The following LMO7 variants were observed in gnomAD, a reference collection of about 807,000 sequenced individuals.
LMO7 encodes the protein LIM domain 7, also known as LIM domain only protein 7.
A neutral mutation model predicts 206.5 loss-of-function variants in LMO7; 120 were observed. The ratio of observed to expected loss-of-function variants is 0.58; its 90% CI spans 0.50 to 0.68. The LOEUF (loss-of-function observed/expected upper bound fraction) is 0.68, where lower values mean the gene tolerates loss of function less well. Among genes scored for constraint, LMO7 ranks in the 30% least tolerant of loss-of-function variants. The probability of loss-of-function intolerance (pLI) is 0.00; values close to 1 mark genes in which losing one functional copy is unlikely to be tolerated. For synonymous variants in LMO7, 706 were observed against 681.5 expected, an observed-to-expected ratio of 1.04 and a Z score of -0.56; for missense variants, 1,959 against 1,957.9, an observed-to-expected ratio of 1.00 and a Z score of -0.01.
chr13:75,823,912 C>T, intron 15 of LMO7, 39 bp downstream of exon 15: 1 of 1,517,608 alleles, frequency 6.6e-7, no homozygotes, highest in Non-Finnish European at 9.1e-7. Flanking sequence ...GTGGCTCAGA[C>T]ACTTACACAT....
At chr13:75,720,611 T>G (rs1211290241) in intron 2 of LMO7, among the ~76,000 whole-genome samples, 1 of 152,242 alleles carries the variant, frequency 6.6e-6, no homozygotes, top group East Asian at 1.9e-4. Flanking sequence ...TTATTGAGGG[T>G]CTCAGAATAA....
chr13:75,752,847 G>C (rs1025782712), intron 3 of LMO7, among the ~76,000 whole-genome samples: 1 of 152,170 alleles, frequency 6.6e-6, no homozygotes, highest in African/African-American at 2.4e-5. Context: ...TGGACACTTA[G>C]GTTGATTCCA....
rs146168878 is a variant in LMO7 at position 75,841,777 on chromosome 13, G to A, written c.3825G>A (p.Glu1275=). The A allele has an allele frequency of 1.6e-5, 26 of 1,614,060 alleles. No individual in the cohort carries two copies. The South Asian group carries it at 2.4e-4, about 15-fold the overall frequency. Residue 1275 remains glutamate, a synonymous_variant, in exon 24 of 31, where the codon GAG becomes GAA. Transcript: ENST00000377534. ...AAGAGGAGAGGAGACAGCCACAAGAGGAAGTTGTTCATGAGGACCAAGGAA... is the reference window on the plus strand; with the variant it reads ...AAGAGGAGAGGAGACAGCCACAAGAAGAAGTTGTTCATGAGGACCAAGGAA... ...AGEEERRQPQ[E]EVVHEDQGKK... is the part of the protein sequence containing the mutation.
At chr13:75,806,121 T>A (rs1267945863) in intron 9 of LMO7, 1 of 1,033,806 alleles carries the variant, frequency 9.7e-7, no homozygotes, top group Non-Finnish European at 1.2e-6. Context: ...CCGTTTTTAG[T>A]AGAGCACAAA....
At chr13:75,815,147 C>T (rs2056843717) in intron 11 of LMO7, among the ~76,000 whole-genome samples, 1 of 152,050 alleles carries the variant, frequency 6.6e-6, no homozygotes, top group South Asian at 2.1e-4. Context: ...CTGTTGTAAT[C>T]TAGGTGGGTG....
chr13:75,801,715 G>T (rs1032182087), intron 7 of LMO7, among the ~76,000 whole-genome samples: 2 of 151,908 alleles, frequency 1.3e-5, no homozygotes, highest in African/African-American at 2.4e-5. Flanking sequence ...TGCTTCTATC[G>T]ACATCAATGT....
intron 1 of LMO7, among the ~76,000 whole-genome samples, chr13:75,657,315 A>AGGG (rs2038149975): frequency 6.6e-6 from 1 of 152,194 alleles, no homozygotes; most frequent in Non-Finnish European, 1.5e-5. Context: ...GTACTTTATT[A>AGGG]CAGCAGCCCT....
intron 3 of LMO7, chr13:75,760,378 A>G (rs2048057691): frequency 1.9e-6 from 2 of 1,055,834 alleles, no homozygotes; most frequent in Non-Finnish European, 2.3e-6. Context: ...GTCCTATAGT[A>G]TGGTTTCCCT....
intron 2 of LMO7, among the ~76,000 whole-genome samples, chr13:75,720,946 T>C (rs575634956): frequency 6.6e-6 from 1 of 152,338 alleles, no homozygotes; most frequent in Non-Finnish European, 1.5e-5. Flanking sequence ...AAATTATATA[T>C]ACTGGTTATT....
At chr13:75,687,929 A>T (rs2041152305) in intron 1 of LMO7, among the ~76,000 whole-genome samples, 1 of 152,084 alleles carries the variant, frequency 6.6e-6, no homozygotes, top group Admixed American at 6.6e-5. Context: ...ACCTGGTGGG[A>T]GGTAATTGAA....
chr13:75,630,403 T>C (rs1179334685), intron 2 of LMO7, among the ~76,000 whole-genome samples: 1 of 152,250 alleles, frequency 6.6e-6, no homozygotes, highest in Non-Finnish European at 1.5e-5. Context: ...CTGGGCACAG[T>C]GGCTCACGCC....
At chr13:75,730,208 A>G (rs2138724817) in intron 3 of LMO7, among the ~76,000 whole-genome samples, 1 of 152,276 alleles carries the variant, frequency 6.6e-6, no homozygotes, top group South Asian at 2.1e-4. Context: ...GAATGGTACC[A>G]GTTCCTCCTT....
chr13:75,839,257 T>C (rs1331557761), intron 20 of LMO7, among the ~76,000 whole-genome samples: 2 of 152,186 alleles, frequency 1.3e-5, no homozygotes, highest in African/African-American at 2.4e-5. Context: ...TAAAGCAATT[T>C]CTCTTCCTTC....
intron 1 of LMO7, among the ~76,000 whole-genome samples, chr13:75,712,931 T>C (rs528314948): frequency 0.063 from 9,524 of 149,990 alleles, 594 homozygotes; most frequent in African/African-American, 0.16. Flanking sequence ...ATAAAATGAT[T>C]ATATTACTGA....
Position 75,853,273 on chromosome 13 carries a change from C to T in LMO7, c.4546C>T (p.Pro1516Ser), listed in dbSNP as rs747612596. ...YMRNPSSSVP[P>S]PSAGSVKTST... ...GCGGAACCCCTCCTCCAGCGTGCCC[C>T]CACCTTCAGCTGGCTCCGTGAAGAC... Residue 1516 changes from proline (P) to serine (S), a missense_variant, in exon 28 of 31, where the codon CCA (proline) becomes TCA (serine). Transcript: ENST00000377534. The T allele has an allele frequency of 6.2e-7, 1 of 1,614,134 alleles. No individual in the cohort carries two copies. The highest frequency in any genetic ancestry group is 1.1e-5 in the South Asian group (1 of 91,076).
rs986045087 is a variant in LMO7 at position 75,859,529 on chromosome 13, T to C, written c.*1586T>C. 6.6e-6 allele frequency: 1 copy of C among 152,234 alleles called. No individual in the cohort carries two copies. The highest frequency in any genetic ancestry group is 1.5e-5 in the Non-Finnish European group (1 of 68,038). 9.4% of individuals were successfully genotyped at this position (152,234 alleles called of 1,614,324 possible). A position where few individuals can be genotyped will look rare whatever the true frequency, so the allele number is the denominator to read the frequency against. On this transcript the variant is annotated 3_prime_UTR_variant, in exon 31 of 31. Transcript: ENST00000377534. ...TGATAATTCCATTACTGTGTATTTT[T>C]CACTTGTTTCTAAGATCAAACATTT...
upstream of LMO7, among the ~76,000 whole-genome samples, chr13:75,635,648 C>A (rs1030120767): frequency 6.6e-6 from 1 of 152,168 alleles, no homozygotes; most frequent in Non-Finnish European, 1.5e-5. Context: ...CCCTCAGCCG[C>A]GAGCCGGGGT....
At chr13:75,776,566 T>A (rs2050532239) in intron 4 of LMO7, among the ~76,000 whole-genome samples, 1 of 152,208 alleles carries the variant, frequency 6.6e-6, no homozygotes, top group Admixed American at 6.5e-5. Flanking sequence ...TCGATTGTGA[T>A]TTCAAAAGAA....
At chr13:75,722,975 C>T (rs779981448) in intron 2 of LMO7, among the ~76,000 whole-genome samples, 3 of 152,046 alleles carry the variant, frequency 2.0e-5, no homozygotes, top group Non-Finnish European at 4.4e-5. Flanking sequence ...TATGAGGATG[C>T]AAAGGCGTAA....
Sources: allele counts gnomAD v4.1 joint callset (sites outside exome capture counted in the v4.1 genomes callset), GRCh38; gene constraint gnomAD v4.1.1; transcripts MANE v1.5; gene names NCBI Gene and HGNC (gene_info 2026-07-23, HGNC 2026-07-21).